The following SCOC variants were observed in gnomAD, a reference collection of about 807,000 sequenced individuals.
SCOC encodes the protein short coiled-coil protein, also known as short coiled coil protein.
SCOC carries 7 observed loss-of-function variants against 9.9 expected under a neutral mutation model. The ratio of observed to expected loss-of-function variants is 0.71; its 90% CI spans 0.40 to 1.33. SCOC has a LOEUF of 1.33. SCOC is among the 40% of genes most tolerant of loss of function. The probability of loss-of-function intolerance (pLI) is 0.01; values close to 1 mark genes in which losing one functional copy is unlikely to be tolerated. For synonymous variants in SCOC, 19 were observed against 28.2 expected (o/e 0.67, Z 1.03); for missense variants, 66 against 89.7 (o/e 0.74, Z 1.07).
Position 140,280,177 on chromosome 4 carries a change from C to T in SCOC, c.-19+22767C>T, listed in dbSNP as rs554012372. Among the ~76,000 whole-genome samples the T allele has an allele frequency of 2.1e-4, 32 of 152,162 alleles. 1 individual carries two copies. In the South Asian group the frequency reaches 2.9e-3, roughly 14 times the overall value. On this transcript the variant is annotated intron_variant, in intron 1 of 4. Coordinates refer to the SCOC transcript ENST00000394205. ...TGTTGCTCAGGCTGGAGTGCAGTGGCGTGACCTCAGCTCACTGCAGCCTCA... is the reference window on the plus strand; with the variant it reads ...TGTTGCTCAGGCTGGAGTGCAGTGGTGTGACCTCAGCTCACTGCAGCCTCA...
At chr4:140,371,444 C>T (rs2668573), upstream of SCOC, among the ~76,000 whole-genome samples, 126,771 of 152,184 alleles carry the variant, frequency 0.83, 52,868 homozygotes, top group African/African-American at 0.85. Flanking sequence ...TTATTTCTGT[C>T]GTGGTATCAG....
intron 1 of SCOC, among the ~76,000 whole-genome samples, chr4:140,270,891 A>T (rs1003359106): frequency 6.6e-6 from 1 of 152,184 alleles, no homozygotes; most frequent in Non-Finnish European, 1.5e-5. Flanking sequence ...TCAGATGGCA[A>T]AGTTGAAATC....
At chr4:140,355,211 TTATA>T (rs34322076) in intron 2 of SCOC, among the ~76,000 whole-genome samples, 8 of 61,396 alleles carry the variant, frequency 1.3e-4, no homozygotes, top group Middle Eastern at 6.0e-3. Context: ...CATTATATTT[TTATA>T]TATATATATA....
intron 1 of SCOC, among the ~76,000 whole-genome samples, chr4:140,333,210 C>T (rs1578819515): frequency 6.6e-6 from 1 of 152,126 alleles, no homozygotes; most frequent in African/African-American, 2.4e-5. Flanking sequence ...GTCATTGCAT[C>T]AGCCAGGCCT....
chr4:140,345,064 G>A (rs950074136), intron 2 of SCOC, among the ~76,000 whole-genome samples: 1 of 152,142 alleles, frequency 6.6e-6, no homozygotes, highest in African/African-American at 2.4e-5. Context: ...AAGAGCAAGA[G>A]GGCAGGAAAT....
chr4:140,332,832 G>C (rs1197191729), intron 1 of SCOC, among the ~76,000 whole-genome samples: 1 of 152,064 alleles, frequency 6.6e-6, no homozygotes, highest in African/African-American at 2.4e-5. Flanking sequence ...CTGGATTACT[G>C]CAATAGTCTT....
At chr4:140,331,330 C>T (rs1252092239) in intron 1 of SCOC, among the ~76,000 whole-genome samples, 2 of 152,140 alleles carry the variant, frequency 1.3e-5, no homozygotes, top group Admixed American at 6.5e-5. Context: ...GCTTCCAATC[C>T]ACCCTGCTGG....
intron 1 of SCOC, among the ~76,000 whole-genome samples, chr4:140,268,165 A>G (rs569359759): frequency 2.4e-4 from 37 of 152,302 alleles, no homozygotes; most frequent in African/African-American, 7.9e-4. Flanking sequence ...GAGAAAGCTC[A>G]TGTCCTCTCA....
intron 2 of SCOC, among the ~76,000 whole-genome samples, chr4:140,364,078 C>G (rs1402728843): frequency 6.6e-6 from 1 of 151,968 alleles, no homozygotes; most frequent in East Asian, 1.9e-4. Context: ...GAAGCTATCA[C>G]TGCAGCTACA....
chr4:140,362,366 G>C (rs1177041576), intron 2 of SCOC, among the ~76,000 whole-genome samples: 2 of 127,306 alleles, frequency 1.6e-5, no homozygotes, highest in Admixed American at 9.0e-5. Context: ...TGTGATCTTG[G>C]CTCACTGCAA....
At chr4:140,294,537 C>T (rs72714279) in intron 1 of SCOC, among the ~76,000 whole-genome samples, 3 of 152,282 alleles carry the variant, frequency 2.0e-5, no homozygotes, top group African/African-American at 4.8e-5. Flanking sequence ...GACCAACCAA[C>T]TAAATTCTCC....
Position 140,338,095 on chromosome 4 carries a change from C to T in SCOC, c.-18-5526C>T, listed in dbSNP as rs558515171. ...TCCAGCAGCACATCAAAAAGCTTAT[C>T]CACCATGATCAAGTGGGCTTCATCC... On this transcript the variant is annotated intron_variant, in intron 1 of 4. Transcript: ENST00000394205. Among the ~76,000 whole-genome samples the T allele has an allele frequency of 8.5e-5, 13 of 152,264 alleles. No individual in the cohort carries two copies. The South Asian group carries it at 1.0e-3, about 12-fold the overall frequency.
intron 1 of SCOC, among the ~76,000 whole-genome samples, chr4:140,288,079 T>C (rs961949264): frequency 6.6e-6 from 1 of 151,990 alleles, no homozygotes; most frequent in South Asian, 2.1e-4. Flanking sequence ...CATATCTATA[T>C]TTATCACACA....
intron 1 of SCOC, among the ~76,000 whole-genome samples, chr4:140,268,053 G>A (rs1375624760): frequency 6.6e-6 from 1 of 152,184 alleles, no homozygotes; most frequent in Non-Finnish European, 1.5e-5. Flanking sequence ...TCTCCAGAAC[G>A]ACATAAGCTG....
At chr4:140,364,462 G>T (rs1357641593) in intron 2 of SCOC, among the ~76,000 whole-genome samples, 1 of 152,054 alleles carries the variant, frequency 6.6e-6, no homozygotes, top group Non-Finnish European at 1.5e-5. Flanking sequence ...AGATCAAAGT[G>T]CCCTATTCTG....
intron 2 of SCOC, among the ~76,000 whole-genome samples, chr4:140,357,090 C>T (rs914284099): frequency 1.3e-5 from 2 of 152,134 alleles, no homozygotes; most frequent in Non-Finnish European, 2.9e-5. Context: ...CTGCCTCAGC[C>T]TCTGGAGTAG....
chr4:140,303,622 C>T (rs1245953470), intron 1 of SCOC, among the ~76,000 whole-genome samples: 2 of 152,214 alleles, frequency 1.3e-5, no homozygotes, highest in African/African-American at 4.8e-5. Flanking sequence ...TTCCTCTGTC[C>T]TTTCTATAGA....
At chr4:140,267,273 C>A (rs1326196360) in intron 1 of SCOC, among the ~76,000 whole-genome samples, 2 of 152,082 alleles carry the variant, frequency 1.3e-5, no homozygotes, top group Non-Finnish European at 2.9e-5. Context: ...GGGAGCGGAG[C>A]CTTCATGAGA....
chr4:140,315,213 C>T (rs1206173974), intron 1 of SCOC, among the ~76,000 whole-genome samples: 1 of 152,182 alleles, frequency 6.6e-6, no homozygotes, highest in Non-Finnish European at 1.5e-5. Flanking sequence ...CAAGGAGGTT[C>T]ATTCTAAAGT....
Sources: gnomAD v4.1 joint callset for allele counts (sites outside exome capture counted in the v4.1 genomes callset) on GRCh38, gnomAD v4.1.1 for gene constraint, MANE v1.5 for transcripts, NCBI Gene and HGNC (gene_info 2026-07-23, HGNC 2026-07-21) for gene names.